The following ACTR3B variants were observed in gnomAD, a reference collection of about 807,000 sequenced individuals.
ACTR3B encodes the protein actin related protein 3B, also known as actin-related protein 3B.
Under a neutral mutation model 59.0 loss-of-function variants are expected in ACTR3B, and 8 were observed. That is an observed-to-expected ratio of 0.14 (90% CI 0.08 to 0.24). ACTR3B has a LOEUF of 0.24. Ranked by LOEUF, ACTR3B falls within the 10% of genes least tolerant of loss-of-function variation. The pLI is 1.00. For synonymous variants in ACTR3B, 148 were observed against 197.9 expected (o/e 0.75, Z 2.12); for missense variants, 245 against 552.3 (o/e 0.44, Z 5.58).
chr7:152,789,325 G>A (rs1164384416), intron 2 of ACTR3B, among the ~76,000 whole-genome samples: 3 of 149,118 alleles, frequency 2.0e-5, no homozygotes, highest in Admixed American at 6.6e-5. Flanking sequence ...CCAGGAGATC[G>A]AGGCTGGAGT....
At chr7:152,800,796 T>C (rs2098233253) in intron 3 of ACTR3B, 141 bp downstream of exon 3, 1 of 1,102,972 alleles carries the variant, frequency 9.1e-7, no homozygotes, top group Admixed American at 2.9e-5. Context: ...GTGGTGGTGA[T>C]GGTTGGTTTT....
In ACTR3B at chr7:152,778,110, A is replaced by G. The variant is rs376643464; in HGVS notation, c.45-5077A>G. ...TGGCTTAATTCTGGCTTCAATAAGG[A>G]TTCTTCTAGTGTTTCATTTTATTTT... is the stretch of plus-strand genomic sequence containing the variant. On this transcript the variant is annotated intron_variant, in intron 1 of 11. Transcript: ENST00000256001. Among the ~76,000 whole-genome samples, 52 of 151,146 alleles carry G rather than the reference A, an allele frequency of 3.4e-4. No individual in the cohort carries two copies. In the South Asian group the frequency reaches 0.011, roughly 32 times the overall value.
At chr7:152,820,613 T>G (rs1386664095) in intron 7 of ACTR3B, among the ~76,000 whole-genome samples, 171 bp downstream of exon 7, 4 of 152,166 alleles carry the variant, frequency 2.6e-5, no homozygotes, top group Non-Finnish European at 4.4e-5. Flanking sequence ...AAGCTTAACC[T>G]CTTCCAAACT....
chr7:152,790,155 G>C (rs2098190629), intron 2 of ACTR3B, among the ~76,000 whole-genome samples: 1 of 151,926 alleles, frequency 6.6e-6, no homozygotes, highest in Non-Finnish European at 1.5e-5. Flanking sequence ...ATCATGTCTG[G>C]CTAATTTTTA....
intron 6 of ACTR3B, among the ~76,000 whole-genome samples, chr7:152,817,155 C>T (rs1228652335): frequency 4.6e-5 from 7 of 152,032 alleles, no homozygotes; most frequent in East Asian, 1.9e-4. Context: ...GAGGCCAAGG[C>T]GGGCGGATCA....
intron 9 of ACTR3B, among the ~76,000 whole-genome samples, chr7:152,840,528 C>T (rs972697837): frequency 6.6e-6 from 1 of 151,660 alleles, no homozygotes; most frequent in Non-Finnish European, 1.5e-5. Flanking sequence ...GGCCTTTGGG[C>T]ATCCCCACCT....
intron 2 of ACTR3B, among the ~76,000 whole-genome samples, 174 bp downstream of exon 2, chr7:152,783,416 T>C (rs531284018): frequency 1.3e-5 from 2 of 152,320 alleles, no homozygotes; most frequent in South Asian, 4.1e-4. Context: ...TAAAGCCCCT[T>C]GTCACTGTCG....
intron 1 of ACTR3B, among the ~76,000 whole-genome samples, chr7:152,762,531 C>G (rs972339162): frequency 1.3e-5 from 2 of 152,104 alleles, no homozygotes; most frequent in African/African-American, 4.8e-5. Context: ...GAGATCATAC[C>G]CTTTTATATC....
intron 2 of ACTR3B, among the ~76,000 whole-genome samples, chr7:152,790,258 G>A (rs2098191122): frequency 6.6e-6 from 1 of 152,246 alleles, no homozygotes; most frequent in African/African-American, 2.4e-5. Context: ...CTCTCAAAGT[G>A]TTGAAATTAT....
chr7:152,818,286 G>A lies in ACTR3B; in HGVS notation c.540+1698G>A, dbSNP rs543695361. ...TCCAGGCCCACTAAGAAAGTTGTTT[G>A]AAAAGATTTTTAATCGTATCTTAGT... On this transcript the variant is annotated intron_variant, in intron 6 of 11. Transcript: ENST00000256001. Among the ~76,000 whole-genome samples, 331 of 152,282 alleles carry A rather than the reference G, an allele frequency of 2.2e-3. 1 individual carries two copies. Among genetic ancestry groups the A allele is most frequent in the Non-Finnish European group, 3.5e-3 (239 of 68,020 alleles).
At chr7:152,789,071 A>G (rs1287992884) in intron 2 of ACTR3B, among the ~76,000 whole-genome samples, 38 of 151,754 alleles carry the variant, frequency 2.5e-4, no homozygotes, top group Admixed American at 2.3e-3. Flanking sequence ...AACAAACAAC[A>G]ACAACAACAA....
In ACTR3B at chr7:152,787,400, A is replaced by G. The variant is rs183729970; in HGVS notation, c.100+4158A>G. Among the ~76,000 whole-genome samples the G allele has an allele frequency of 2.9e-3, 445 of 152,186 alleles. 4 individuals are homozygous for G. The highest frequency in any genetic ancestry group is 0.011 in the African/African-American group (438 of 41,538). ...TTTTTCGCAGATACTTTTTTATTCT[A>G]TGACATTTTTAAAAATTATCTTTTA... On this transcript the variant is annotated intron_variant, in intron 2 of 11. Transcript: ENST00000256001.
chr7:152,837,596 C>T (rs944753634), intron 9 of ACTR3B, among the ~76,000 whole-genome samples: 5 of 152,250 alleles, frequency 3.3e-5, no homozygotes, highest in African/African-American at 4.8e-5. Flanking sequence ...CTCCTGATCC[C>T]GCCCCTCAGC....
intron 4 of ACTR3B, among the ~76,000 whole-genome samples, chr7:152,809,496 G>A (rs1468521512): frequency 1.3e-5 from 2 of 151,968 alleles, no homozygotes; most frequent in Non-Finnish European, 2.9e-5. Flanking sequence ...GGGTGATTGT[G>A]TGTAGGCATA....
intron 10 of ACTR3B, among the ~76,000 whole-genome samples, chr7:152,852,800 C>A: frequency 6.6e-6 from 1 of 151,644 alleles, no homozygotes; most frequent in East Asian, 1.9e-4. Context: ...TCTTTTTTTT[C>A]TTTTTTCTTG....
At chr7:152,829,375 A>T (rs1796844391) in intron 9 of ACTR3B, among the ~76,000 whole-genome samples, 1 of 152,198 alleles carries the variant, frequency 6.6e-6, no homozygotes, top group Non-Finnish European at 1.5e-5. Context: ...GCCCCTGGTA[A>T]CTACCATTCC....
intron 7 of ACTR3B, among the ~76,000 whole-genome samples, chr7:152,821,403 C>A: frequency 6.6e-6 from 1 of 151,652 alleles, no homozygotes; most frequent in Non-Finnish European, 1.5e-5. Flanking sequence ...GAGGCTGGAG[C>A]ATTGCTTGAG....
chr7:152,796,860 GTTTTTTTTT>G (rs779909545), intron 2 of ACTR3B, among the ~76,000 whole-genome samples: 1 of 54,738 alleles, frequency 1.8e-5, no homozygotes, highest in South Asian at 9.4e-4. Context: ...TAGTTTTTGT[GTTTTTTTTT>G]TTTTTTTTTT....
chr7:152,844,439 T>C (rs1410303208), intron 9 of ACTR3B, among the ~76,000 whole-genome samples: 1 of 152,128 alleles, frequency 6.6e-6, no homozygotes, highest in Non-Finnish European at 1.5e-5. Flanking sequence ...GCCTTTTACA[T>C]AAAAGTGGAA....
Sources: gnomAD v4.1 joint callset for allele counts (sites outside exome capture counted in the v4.1 genomes callset) on GRCh38, gnomAD v4.1.1 for gene constraint, MANE v1.5 for transcripts, NCBI Gene and HGNC (gene_info 2026-07-23, HGNC 2026-07-21) for gene names.